PPP2R3A: variants seen among roughly 807,000 people sequenced by gnomAD.
The protein encoded by PPP2R3A is serine/threonine-protein phosphatase 2A regulatory subunit B'' subunit alpha.
In PPP2R3A, 80 loss-of-function variants were observed where a neutral mutation model predicts 106.9. That is an observed-to-expected ratio of 0.75 (90% CI 0.62 to 0.90). The LOEUF is 0.90. Ranked by LOEUF, PPP2R3A falls within the 40% of genes least tolerant of loss-of-function variation. PPP2R3A has a pLI of 0.00. For missense variants in PPP2R3A, 1,386 were observed against 1,350.4 expected (o/e 1.03, Z -0.41); for synonymous variants, 483 against 468.3 (o/e 1.03, Z -0.41).
intron 10 of PPP2R3A, among the ~76,000 whole-genome samples, chr3:136,098,397 G>T (rs370610388): frequency 2.8e-4 from 43 of 152,272 alleles, no homozygotes; most frequent in African/African-American, 9.4e-4. Flanking sequence ...CTCAGAAAAG[G>T]TACACACAGA....
chr3:136,080,986 GTTTCTTT>G (rs910877750), intron 7 of PPP2R3A, among the ~76,000 whole-genome samples: 1 of 151,612 alleles, frequency 6.6e-6, no homozygotes, highest in Non-Finnish European at 1.5e-5. Context: ...TCCCTCATGT[GTTTCTTT>G]TTTCTTTTTT....
chr3:136,012,781 T>G (rs939785014), intron 2 of PPP2R3A, among the ~76,000 whole-genome samples: 1 of 152,172 alleles, frequency 6.6e-6, no homozygotes, highest in Non-Finnish European at 1.5e-5. Flanking sequence ...CTGTTAACCC[T>G]TTTGATTTAT....
At chr3:136,062,039 G>T (rs1485547681) in intron 5 of PPP2R3A, among the ~76,000 whole-genome samples, 5 of 152,044 alleles carry the variant, frequency 3.3e-5, no homozygotes, top group Non-Finnish European at 7.4e-5. Flanking sequence ...GACTAGGATG[G>T]TATTAGATTC....
At chr3:136,019,148 T>C (rs767935291) in intron 2 of PPP2R3A, among the ~76,000 whole-genome samples, 4 of 152,216 alleles carry the variant, frequency 2.6e-5, no homozygotes, top group Non-Finnish European at 4.4e-5. Context: ...CAAGAAGAGA[T>C]GCAGGCAGCT....
At chr3:136,034,110 A>G in intron 3 of PPP2R3A, among the ~76,000 whole-genome samples, 1 of 146,976 alleles carries the variant, frequency 6.8e-6, no homozygotes, top group Non-Finnish European at 1.5e-5. Flanking sequence ...ATCTTGGCTC[A>G]CTGCAGCCAG....
At chr3:135,978,696 C>A (rs1937487822) in intron 1 of PPP2R3A, among the ~76,000 whole-genome samples, 1 of 151,704 alleles carries the variant, frequency 6.6e-6, no homozygotes, top group South Asian at 2.1e-4. Flanking sequence ...AAAAACTAAA[C>A]CCCCAAATTA....
chr3:136,044,783 G>C (rs1935417050), intron 4 of PPP2R3A, among the ~76,000 whole-genome samples: 3 of 152,110 alleles, frequency 2.0e-5, no homozygotes, highest in African/African-American at 7.2e-5. Context: ...CCCTGCATGG[G>C]CTCTGAATGG....
At chr3:135,992,843 G>C (rs1164269168) in intron 1 of PPP2R3A, among the ~76,000 whole-genome samples, 1 of 152,108 alleles carries the variant, frequency 6.6e-6, no homozygotes, top group South Asian at 2.1e-4. Context: ...GAGAAACGGG[G>C]CAAAGCACAA....
intron 5 of PPP2R3A, among the ~76,000 whole-genome samples, chr3:136,056,105 G>C (rs1935851377): frequency 6.6e-6 from 1 of 152,184 alleles, no homozygotes; most frequent in Admixed American, 6.5e-5. Context: ...GTCTAATCAT[G>C]AGGAAAACAT....
At chr3:135,977,686 T>C (rs1162647439) in intron 1 of PPP2R3A, among the ~76,000 whole-genome samples, 1 of 133,954 alleles carries the variant, frequency 7.5e-6, no homozygotes, top group Non-Finnish European at 1.6e-5. Flanking sequence ...CTGATCAGCA[T>C]TCTTTTTTTT....
At chr3:135,991,687 C>T (rs1284541736) in intron 1 of PPP2R3A, among the ~76,000 whole-genome samples, 1 of 152,166 alleles carries the variant, frequency 6.6e-6, no homozygotes, top group Non-Finnish European at 1.5e-5. Context: ...ACCCCAGAGC[C>T]ATTTTTCATC....
At chr3:136,003,676 A>G (rs78480126) in intron 2 of PPP2R3A, among the ~76,000 whole-genome samples, 183 bp downstream of exon 2, 1 of 146,606 alleles carries the variant, frequency 6.8e-6, no homozygotes, top group East Asian at 2.0e-4. Context: ...ATGATAGAGG[A>G]AAAAAAAAAA....
intron 8 of PPP2R3A, among the ~76,000 whole-genome samples, chr3:136,084,506 G>C (rs535370946): frequency 6.6e-6 from 1 of 152,384 alleles, no homozygotes; most frequent in Non-Finnish European, 1.5e-5. Flanking sequence ...GAAGGGAAAT[G>C]TGGGGTTGAA....
intron 5 of PPP2R3A, among the ~76,000 whole-genome samples, chr3:136,068,894 G>C (rs544995999): frequency 3.9e-5 from 6 of 152,208 alleles, no homozygotes; most frequent in African/African-American, 1.4e-4. Context: ...GCACTGAAAA[G>C]GACTCATCAC....
chr3:136,104,298 T>TTGTGTGTGTGTG (rs55839641), intron 12 of PPP2R3A, among the ~76,000 whole-genome samples: 39 of 148,770 alleles, frequency 2.6e-4, no homozygotes, highest in African/African-American at 9.2e-4. Context: ...GTTTCTTTCT[T>TTGTGTGTGTGTG]TGTGTGTGTG....
At chr3:136,062,082 T>C (rs1178830412) in intron 5 of PPP2R3A, among the ~76,000 whole-genome samples, 1 of 152,188 alleles carries the variant, frequency 6.6e-6, no homozygotes, top group Non-Finnish European at 1.5e-5. Context: ...GGATTTGAAC[T>C]TAGATTTCTG....
chr3:136,121,983 C>G (rs1386493589), intron 13 of PPP2R3A, among the ~76,000 whole-genome samples: 1 of 151,760 alleles, frequency 6.6e-6, no homozygotes, highest in African/African-American at 2.4e-5. Flanking sequence ...TTAAGATAAC[C>G]TTTAAGCAAA....
At chr3:136,087,119 A>C (rs1374112833) in intron 8 of PPP2R3A, among the ~76,000 whole-genome samples, 1 of 152,076 alleles carries the variant, frequency 6.6e-6, no homozygotes, top group Non-Finnish European at 1.5e-5. Flanking sequence ...CAGGAGAATC[A>C]CTTGAATCCG....
In PPP2R3A at chr3:136,002,918, G is replaced by C; in HGVS notation, c.1420G>C (p.Glu474Gln). ...PMQNEIGKIF[E>Q]KSFVNLPKED... is the part of the protein sequence containing the mutation. ...GCAAAATGAAATTGGTAAGATATTT[G>C]AGAAATCATTTGTTAATCTACCTAA... Residue 474 changes from glutamate (E) to glutamine (Q), a missense_variant, in exon 2 of 14, where the codon GAG becomes CAG. Transcript: ENST00000264977. 6.2e-7 allele frequency: 1 copy of C among 1,611,838 alleles called. No individual in the cohort carries two copies. Among genetic ancestry groups the C allele is most frequent in the Non-Finnish European group, 8.5e-7 (1 of 1,179,386 alleles).
Sources: gnomAD v4.1 joint callset for allele counts (sites outside exome capture counted in the v4.1 genomes callset) on GRCh38, gnomAD v4.1.1 for gene constraint, MANE v1.5 for transcripts, NCBI Gene and HGNC (gene_info 2026-07-23, HGNC 2026-07-21) for gene names.